Variants in AARS1 observed in about 807,000 individuals in gnomAD.
AARS1 encodes the protein alanine--tRNA ligase, cytoplasmic.
In AARS1, 72 loss-of-function variants were observed where a neutral mutation model predicts 108.9. The ratio of observed to expected loss-of-function variants is 0.66; its 90% confidence interval spans 0.55 to 0.80. AARS1 has a LOEUF of 0.80. AARS1 is among the 30% of genes least tolerant of loss of function. The probability of loss-of-function intolerance (pLI) is 0.00; values close to 1 mark genes in which losing one functional copy is unlikely to be tolerated. For synonymous variants in AARS1, 489 were observed against 465.7 expected, an observed-to-expected ratio of 1.05 and a Z score of -0.64; for missense variants, 1,193 against 1,233.2, an observed-to-expected ratio of 0.97 and a Z score of 0.49.
intron 20 of AARS1, 109 bp from the exon 21 acceptor site, chr16:70,253,015 T>TA (rs1374123416): frequency 7.8e-7 from 1 of 1,276,864 alleles, no homozygotes; most frequent in East Asian, 2.4e-5. Flanking sequence ...CCCTGGGTGA[T>TA]ACTGCTGGAG....
intron 4 of AARS1, among the ~76,000 whole-genome samples, chr16:70,272,526 A>C (rs953471698): frequency 4.0e-5 from 6 of 149,726 alleles, no homozygotes; most frequent in African/African-American, 1.5e-4. Flanking sequence ...AAAAAAAAAA[A>C]AAAAAAAAAA....
At chr16:70,282,151 CAAA>C (rs1378296057) in intron 2 of AARS1, among the ~76,000 whole-genome samples, 1 of 146,502 alleles carries the variant, frequency 6.8e-6, no homozygotes, top group African/African-American at 2.5e-5. Flanking sequence ...GACTCCGTCT[CAAA>C]AAAAAATAAT....
rs187509039 is a variant in AARS1, at chr16:70,261,161, A to T, written c.1672-4T>A. 6,636 of 1,604,542 alleles carry T rather than the reference A, an allele frequency of 4.1e-3. 36 individuals carry two copies. Among genetic ancestry groups the T allele is most frequent in the Non-Finnish European group, 5.1e-3 (5,974 of 1,171,592 alleles). On this transcript the variant is annotated splice_polypyrimidine_tract_variant and splice_region_variant and intron_variant, in intron 12 of 20. Coordinates refer to ENST00000261772, the MANE Select transcript of AARS1 (RefSeq NM_001605.3). ...TCTTCACTGTAAACTCTGTTTTCTA[A>T]GAGGGGTCAAGGAAGAGACCAATAA...
chr16:70,252,828 T>C lies in AARS1; in HGVS notation c.2800A>G (p.Lys934Glu). ...SGLMDGKGGG[K>E]DVSAQATGKN... is the part of the protein sequence containing the mutation. Reference sequence around the variant, plus strand: ...CCTGTGGCCTGTGCAGACACATCCTTGCCACCACCTTTACCGTCCATCAAG... The same window carrying C: ...CCTGTGGCCTGTGCAGACACATCCTCGCCACCACCTTTACCGTCCATCAAG... The change falls in exon 21 of 21, where the codon AAG (lysine) becomes GAG (glutamate). Residue 934 changes from lysine (K) to glutamate (E), a missense_variant. Physicochemically the swap from Lys to Glu is moderately conservative, Grantham distance 56. Transcript: ENST00000261772. 6.2e-7 allele frequency: 1 copy of C among 1,614,246 alleles called. No individual in the cohort carries two copies. The highest frequency in any genetic ancestry group is 8.5e-7 in the Non-Finnish European group (1 of 1,180,030).
At chr16:70,289,154 G>A (rs991670185) in intron 1 of AARS1, among the ~76,000 whole-genome samples, 1 of 151,604 alleles carries the variant, frequency 6.6e-6, no homozygotes, top group Non-Finnish European at 1.5e-5. Context: ...CCCGCCCCTA[G>A]GGGATTAAAA....
At chr16:70,269,870 G>A (rs1398312487) in intron 6 of AARS1, 107 bp from the exon 7 acceptor site, 9 of 1,434,498 alleles carry the variant, frequency 6.3e-6, no homozygotes, top group Non-Finnish European at 5.8e-6. Flanking sequence ...AAAGGATGCC[G>A]GTCTTGCCAG....
chr16:70,265,166 G>T, intron 10 of AARS1, 64 bp from the exon 11 acceptor site: 2 of 1,597,902 alleles, frequency 1.3e-6, no homozygotes, highest in Admixed American at 3.3e-5. Flanking sequence ...CCAAAGGACT[G>T]GAACTTGCTA....
intron 1 of AARS1, among the ~76,000 whole-genome samples, chr16:70,283,929 A>G (rs1327651195): frequency 6.6e-6 from 1 of 152,084 alleles, no homozygotes; most frequent in Non-Finnish European, 1.5e-5. Context: ...GCTCTTTCAC[A>G]AGTTGGGCGC....
At chr16:70,276,775 C>A (rs1424406752) in intron 3 of AARS1, 144 bp from the exon 4 acceptor site, 11 of 1,189,660 alleles carry the variant, frequency 9.2e-6, no homozygotes, top group African/African-American at 1.5e-5. Flanking sequence ...GTAAGAAATC[C>A]AAATATATAC....
intron 4 of AARS1, 70 bp from the exon 5 acceptor site, chr16:70,272,042 G>A (rs116309532): frequency 3.1e-5 from 46 of 1,460,888 alleles, no homozygotes; most frequent in South Asian, 9.2e-5. Flanking sequence ...TGCAACCACC[G>A]CAAAAGAAAT....
chr16:70,276,722 T>C (rs1960561429), intron 3 of AARS1, 91 bp from the exon 4 acceptor site: 4 of 1,416,720 alleles, frequency 2.8e-6, no homozygotes, highest in Non-Finnish European at 3.9e-6. Flanking sequence ...AGATACAAAA[T>C]CACAACATGT....
chr16:70,275,342 G>A (rs1276335136), intron 4 of AARS1, among the ~76,000 whole-genome samples: 3 of 150,524 alleles, frequency 2.0e-5, no homozygotes, highest in African/African-American at 7.3e-5. Flanking sequence ...TGGGCCAGGC[G>A]TGGTGACTCA....
At chr16:70,262,582 T>G in intron 11 of AARS1, 58 bp from the exon 12 acceptor site, 1 of 1,527,474 alleles carries the variant, frequency 6.5e-7, no homozygotes. Flanking sequence ...TTTCACTCCT[T>G]CTTGGCTGAC....
At chr16:70,275,735 C>CCCAGG (rs1297441845) in intron 4 of AARS1, among the ~76,000 whole-genome samples, 1 of 150,356 alleles carries the variant, frequency 6.7e-6, no homozygotes, top group Non-Finnish European at 1.5e-5. Context: ...TGCACTCCAG[C>CCCAGG]CTGGGTGACA....
chr16:70,254,146 G>A, intron 17 of AARS1, 108 bp from the exon 18 acceptor site: 1 of 1,446,776 alleles, frequency 6.9e-7, no homozygotes, highest in Non-Finnish European at 9.6e-7. Context: ...GTCCTGGAAA[G>A]GAAAGCAAGG....
intron 5 of AARS1, 142 bp from the exon 6 acceptor site, chr16:70,270,482 G>A (rs1353447386): frequency 1.0e-6 from 1 of 993,252 alleles, no homozygotes; most frequent in Non-Finnish European, 1.6e-6. Context: ...GAAGAGGGAA[G>A]TGGAGGGAGA....
At chr16:70,271,174 CCAAAAA>C (rs546428020) in intron 5 of AARS1, among the ~76,000 whole-genome samples, 40 of 149,302 alleles carry the variant, frequency 2.7e-4, no homozygotes, top group East Asian at 1.2e-3. Flanking sequence ...GACTCCATCT[CCAAAAA>C]CAAAAACAAA....
chr16:70,269,875 T>C (rs1261119380), intron 6 of AARS1, 112 bp from the exon 7 acceptor site: 3 of 1,404,430 alleles, frequency 2.1e-6, no homozygotes, highest in Admixed American at 1.7e-5. Flanking sequence ...ATGCCGGTCT[T>C]GCCAGATCCT....
intron 1 of AARS1, among the ~76,000 whole-genome samples, chr16:70,288,053 C>A (rs1258122311): frequency 6.6e-6 from 1 of 151,390 alleles, no homozygotes; most frequent in Non-Finnish European, 1.5e-5. Context: ...GGGTGAGCTA[C>A]CGCGCCCGGC....
Sources: allele counts gnomAD v4.1 joint callset (sites outside exome capture counted in the v4.1 genomes callset), GRCh38; gene constraint gnomAD v4.1.1; transcripts MANE v1.5; gene names NCBI Gene and HGNC (gene_info 2026-07-23, HGNC 2026-07-21).